The following SNX29 variants were observed in gnomAD, a reference collection of about 807,000 sequenced individuals.
The protein encoded by SNX29 is sorting nexin 29.
SNX29 carries 78 observed loss-of-function variants against 102.1 expected under a neutral mutation model. The observed-to-expected ratio is 0.76, with a 90% CI of 0.64 to 0.92. SNX29 has a LOEUF of 0.92. SNX29 is among the 40% of genes least tolerant of loss of function. SNX29 has a pLI of 0.00. For missense variants in SNX29, 1,280 were observed against 1,061.7 expected, an observed-to-expected ratio of 1.21 and a Z score of -2.86; for synonymous variants, 580 against 414.5, an observed-to-expected ratio of 1.40 and a Z score of -4.85.
At chr16:12,451,385 A>G (rs1311555336) in intron 18 of SNX29, among the ~76,000 whole-genome samples, 1 of 152,230 alleles carries the variant, frequency 6.6e-6, no homozygotes, top group Admixed American at 6.5e-5. Flanking sequence ...AGCTGGGAGT[A>G]TTAGAGGCTG....
intron 20 of SNX29, among the ~76,000 whole-genome samples, chr16:12,563,120 G>A (rs1454243772): frequency 6.6e-6 from 1 of 152,122 alleles, no homozygotes; most frequent in African/African-American, 2.4e-5. Context: ...CAGAGCCTAG[G>A]AAAGGTCGCC....
At chr16:11,993,745 A>G (rs1567504009) in intron 1 of SNX29, among the ~76,000 whole-genome samples, 1 of 152,170 alleles carries the variant, frequency 6.6e-6, no homozygotes, top group Non-Finnish European at 1.5e-5. Context: ...CCCCAGGCAG[A>G]AGGCTAGAGA....
In SNX29 at chr16:12,078,715, G is replaced by T. The variant is rs568529312; in HGVS notation, c.1320-118G>T. 2.7e-4 allele frequency: 222 copies of T among 819,700 alleles called. 2 individuals carry two copies. In the African/African-American group the frequency reaches 3.2e-3, roughly 12 times the overall value. 50.8% of individuals were successfully genotyped at this position (819,700 alleles called of 1,614,324 possible). A position where few individuals can be genotyped will look rare whatever the true frequency, so the allele number is the denominator to read the frequency against. On this transcript the variant is annotated intron_variant, in intron 10 of 20. Transcript: ENST00000566228. ...GAGGCCTGACTAATTTCCAATGACT[G>T]CCTCTATCCCTTCTAGTAGAGGTAC...
intron 16 of SNX29, among the ~76,000 whole-genome samples, chr16:12,360,073 C>G (rs1242820626): frequency 6.6e-6 from 1 of 152,244 alleles, no homozygotes; most frequent in African/African-American, 2.4e-5. Flanking sequence ...ATCTGCCCGC[C>G]TCGGCCTCCC....
intron 13 of SNX29, among the ~76,000 whole-genome samples, chr16:12,189,959 T>G (rs1004499664): frequency 6.6e-6 from 1 of 152,168 alleles, no homozygotes; most frequent in Non-Finnish European, 1.5e-5. Context: ...CTTCTCACTT[T>G]CTTGACGTAT....
rs187006213 is a variant in SNX29 at position 12,332,930 on chromosome 16, A to G, written c.1783-23233A>G. 9.4e-4 allele frequency among the ~76,000 whole-genome samples: 143 copies of G among 151,982 alleles called. 1 individual carries two copies. Among genetic ancestry groups the G allele is most frequent in the African/African-American group, 3.3e-3 (137 of 41,494 alleles). On this transcript the variant is annotated intron_variant, in intron 15 of 20. Transcript: ENST00000566228. ...CTCCTGGGCCCGCTTTGAGACCCTC[A>G]TGGCCACCCCTGCTCGTGCGGTTAG...
intron 18 of SNX29, among the ~76,000 whole-genome samples, chr16:12,442,467 A>T (rs2085850421): frequency 6.6e-6 from 1 of 152,208 alleles, no homozygotes; most frequent in African/African-American, 2.4e-5. Flanking sequence ...AAAGGGCCAG[A>T]TAGTAAATAT....
intron 20 of SNX29, among the ~76,000 whole-genome samples, chr16:12,565,025 G>A (rs1014645157): frequency 2.0e-5 from 3 of 152,088 alleles, no homozygotes; most frequent in Admixed American, 6.5e-5. Context: ...CGCCAGTCCT[G>A]GGATGAGCCT....
chr16:12,540,350 T>G (rs549720221), intron 20 of SNX29, among the ~76,000 whole-genome samples: 12 of 152,142 alleles, frequency 7.9e-5, no homozygotes, highest in African/African-American at 2.7e-4. Context: ...AGGAACGTTA[T>G]CCCCTGTATT....
chr16:12,097,090 G>T (rs350232), intron 11 of SNX29, among the ~76,000 whole-genome samples: 2 of 152,160 alleles, frequency 1.3e-5, no homozygotes, highest in East Asian at 3.9e-4. Context: ...GCAGGATGTC[G>T]GGATGGGCTT....
chr16:12,381,805 G>A (rs1200718436), intron 16 of SNX29, among the ~76,000 whole-genome samples: 3 of 93,020 alleles, frequency 3.2e-5, no homozygotes, highest in Admixed American at 2.3e-4. Flanking sequence ...TCTACCATCT[G>A]TCATCCATCC....
At chr16:12,322,321 CA>C (rs912756753) in intron 15 of SNX29, among the ~76,000 whole-genome samples, 2 of 152,090 alleles carry the variant, frequency 1.3e-5, no homozygotes, top group Non-Finnish European at 2.9e-5. Context: ...TGGTGGAAAT[CA>C]GGGGCTATCG....
chr16:12,199,100 G>A lies in SNX29; in HGVS notation c.1596-501G>A, dbSNP rs536930044. On this transcript the variant is annotated intron_variant, in intron 13 of 20. Coordinates refer to ENST00000566228, the MANE Select transcript of SNX29 (RefSeq NM_032167.5). ...TCTCCTTATCTGTAAAATGAGGGTT[G>A]TGTTAGTGCTTTGGAAGGATTCAAG... Among the ~76,000 whole-genome samples the A allele has an allele frequency of 2.0e-5, 3 of 152,316 alleles. No individual in the cohort carries two copies. The South Asian group carries it at 6.2e-4, about 32-fold the overall frequency.
intron 4 of SNX29, chr16:12,029,535 A>G (rs546094054): frequency 1.3e-5 from 6 of 453,926 alleles, no homozygotes; most frequent in African/African-American, 1.0e-4. Flanking sequence ...GGGAAAGGAG[A>G]AAGAACCACT....
At chr16:12,334,657 C>T (rs965677188) in intron 15 of SNX29, among the ~76,000 whole-genome samples, 3 of 152,134 alleles carry the variant, frequency 2.0e-5, no homozygotes, top group Non-Finnish European at 4.4e-5. Flanking sequence ...ATTGACAATG[C>T]TGAACATTCG....
intron 15 of SNX29, among the ~76,000 whole-genome samples, chr16:12,280,467 T>C (rs2079396504): frequency 6.6e-6 from 1 of 152,220 alleles, no homozygotes; most frequent in Non-Finnish European, 1.5e-5. Context: ...ACGGGAGGGC[T>C]CAAGGTTGAG....
intron 17 of SNX29, among the ~76,000 whole-genome samples, chr16:12,402,270 T>C (rs569445783): frequency 4.8e-4 from 73 of 152,364 alleles, no homozygotes; most frequent in African/African-American, 1.5e-3. Flanking sequence ...TGAAGGGTTA[T>C]TGTCATTGTG....
intron 20 of SNX29, among the ~76,000 whole-genome samples, chr16:12,558,336 C>G (rs1567197537): frequency 6.7e-6 from 1 of 149,322 alleles, no homozygotes; most frequent in Non-Finnish European, 1.5e-5. Flanking sequence ...AACAAAGAGA[C>G]AAAGAGGCCC....
At chr16:12,356,356 A>G in intron 16 of SNX29, 77 bp downstream of exon 16, 1 of 1,362,248 alleles carries the variant, frequency 7.3e-7, no homozygotes, top group Non-Finnish European at 1.0e-6. Context: ...AGAGACTCAC[A>G]GAGCAAGCAA....
Sources: allele counts gnomAD v4.1 joint callset (sites outside exome capture counted in the v4.1 genomes callset), GRCh38; gene constraint gnomAD v4.1.1; transcripts MANE v1.5; gene names NCBI Gene and HGNC (gene_info 2026-07-23, HGNC 2026-07-21).